CPS1: variants seen among roughly 807,000 people sequenced by gnomAD.
The protein encoded by CPS1 is carbamoyl-phosphate synthase 1.
A neutral mutation model predicts 174.6 loss-of-function variants in CPS1; 109 were observed. The observed-to-expected ratio is 0.62, with a 90% CI of 0.53 to 0.73. The LOEUF (loss-of-function observed/expected upper bound fraction) is 0.73, where lower values mean the gene tolerates loss of function less well. CPS1 is among the 30% of genes least tolerant of loss of function. CPS1 has a pLI of 0.00. For synonymous variants in CPS1, 637 were observed against 632.0 expected, an observed-to-expected ratio of 1.01 and a Z score of -0.12; for missense variants, 1,689 against 1,821.9, an observed-to-expected ratio of 0.93 and a Z score of 1.33.
In CPS1 at chr2:210,556,729, T is replaced by C; in HGVS notation, c.-5T>C. On this transcript the variant is annotated 5_prime_UTR_variant, in exon 1 of 38. Coordinates refer to ENST00000233072, the MANE Select transcript of CPS1 (RefSeq NM_001875.5). Reference sequence around the variant, plus strand: ...TTCATTTAATTTTAGCCACAAATCATCAAAATGACGAGGATTTTGACAGCT... The same window carrying C: ...TTCATTTAATTTTAGCCACAAATCACCAAAATGACGAGGATTTTGACAGCT... 2 of 1,505,446 alleles carry C rather than the reference T, an allele frequency of 1.3e-6. No individual in the cohort carries two copies. The highest frequency in any genetic ancestry group is 1.8e-6 in the Non-Finnish European group (2 of 1,136,142). The allele number at this position is 1,505,446 out of a possible 1,614,324, so 93.3% of individuals were successfully genotyped here. A position where few individuals can be genotyped will look rare whatever the true frequency, so the allele number is the denominator to read the frequency against.
At chr2:210,614,633 C>T (rs1442904487) in intron 20 of CPS1, among the ~76,000 whole-genome samples, 1 of 151,946 alleles carries the variant, frequency 6.6e-6, no homozygotes, top group African/African-American at 2.4e-5. Flanking sequence ...TTTTGATTTG[C>T]ATTTCTCTAA....
At chr2:210,485,171 G>A (rs1200558722) in intron 1 of CPS1, among the ~76,000 whole-genome samples, 1 of 151,376 alleles carries the variant, frequency 6.6e-6, no homozygotes, top group South Asian at 2.1e-4. Flanking sequence ...GCGTGAGCTT[G>A]CAGTGAGCCA....
Position 210,637,727 on chromosome 2 carries a change from A to T in CPS1, c.2713A>T (p.Lys905Ter), listed in dbSNP as rs767550452. 2 of 1,613,986 alleles carry T rather than the reference A, an allele frequency of 1.2e-6. No individual in the cohort carries two copies. Among genetic ancestry groups the T allele is most frequent in the Non-Finnish European group, 1.7e-6 (2 of 1,179,882 alleles). Residue 905 changes from lysine (K) to a stop codon, truncating the protein, a stop_gained, in exon 22 of 38, where the codon AAA (lysine) becomes TAA (stop). Transcript: ENST00000233072. LOFTEE classifies it high-confidence loss of function. ...NSESMTEETL[K>*]RAKEIGFSDK... is the part of the protein sequence containing the mutation. ...TGAGTCCATGACAGAAGAAACCCTG[A>T]AAAGGGCAAAGGAGATTGGGTTCTC...
At chr2:210,509,373 A>C (rs1695387099) in intron 1 of CPS1, among the ~76,000 whole-genome samples, 1 of 152,236 alleles carries the variant, frequency 6.6e-6, no homozygotes, top group Non-Finnish European at 1.5e-5. Flanking sequence ...TATTGATGGG[A>C]CATATCTCAA....
At chr2:210,480,087 G>A (rs377153980) in intron 1 of CPS1, among the ~76,000 whole-genome samples, 97 of 152,236 alleles carry the variant, frequency 6.4e-4, no homozygotes, top group African/African-American at 2.3e-3. Flanking sequence ...TCTTAGTTCA[G>A]ATTAGATTTG....
chr2:210,590,743 G>A (rs1038912088), intron 8 of CPS1, 57 bp from the exon 9 acceptor site: 4 of 1,375,578 alleles, frequency 2.9e-6, no homozygotes, highest in Non-Finnish European at 4.1e-6. Context: ...TGTTCATTCA[G>A]AAGCAACATT....
rs182504993 is a variant in CPS1, at chr2:210,550,666, A to G, written c.4-6053A>G. Among the ~76,000 whole-genome samples the G allele has an allele frequency of 5.3e-5, 8 of 151,926 alleles. No homozygotes were observed. In the East Asian group the frequency reaches 1.6e-3, roughly 30 times the overall value. Reference sequence around the variant, plus strand: ...TAGAACAGATTTATTTAAATACCCTATTTTCACTTACTGGCATAACAGCAA... The same window carrying G: ...TAGAACAGATTTATTTAAATACCCTGTTTTCACTTACTGGCATAACAGCAA... On this transcript the variant is annotated intron_variant, in intron 1 of 38. Coordinates refer to the CPS1 transcript ENST00000430249.
At chr2:210,611,766 A>T (rs1699129547) in intron 19 of CPS1, among the ~76,000 whole-genome samples, 2 of 151,848 alleles carry the variant, frequency 1.3e-5, no homozygotes, top group South Asian at 4.1e-4. Flanking sequence ...CATGCGCATA[A>T]AGCAAGATCT....
intron 20 of CPS1, among the ~76,000 whole-genome samples, chr2:210,614,276 T>A (rs1054412077): frequency 7.5e-5 from 11 of 146,404 alleles, no homozygotes; most frequent in African/African-American, 2.9e-4. Context: ...AATCATGGAT[T>A]TTTTTTTTTA....
At chr2:210,651,623 G>T (rs755146224) in intron 28 of CPS1, among the ~76,000 whole-genome samples, 14 of 152,138 alleles carry the variant, frequency 9.2e-5, no homozygotes, top group Non-Finnish European at 1.8e-4. Context: ...CTCCTTATAG[G>T]ATCTCAGTAC....
chr2:210,502,393 A>T (rs963273915), intron 1 of CPS1, among the ~76,000 whole-genome samples: 1 of 146,792 alleles, frequency 6.8e-6, no homozygotes, highest in African/African-American at 2.5e-5. Context: ...TTTTATATAT[A>T]TGTATATTTT....
intron 30 of CPS1, among the ~76,000 whole-genome samples, chr2:210,656,969 T>G (rs1161407654): frequency 6.6e-6 from 1 of 152,058 alleles, no homozygotes; most frequent in Non-Finnish European, 1.5e-5. Context: ...AGAATTTGCG[T>G]TTTTCACAAG....
intron 1 of CPS1, among the ~76,000 whole-genome samples, chr2:210,503,863 C>T (rs763504626): frequency 1.3e-4 from 19 of 151,736 alleles, no homozygotes; most frequent in Non-Finnish European, 8.9e-5. Context: ...ATTCGGGTGA[C>T]GGCCAAAGCT....
At position 210,650,415 on chromosome 2, in the gene CPS1, G is replaced by T. The variant is rs1700523651; in HGVS notation, c.3457G>T (p.Glu1153Ter). The T allele has an allele frequency of 6.2e-7, 1 of 1,613,330 alleles. No individual in the cohort carries two copies. The highest frequency in any genetic ancestry group is 1.3e-5 in the African/African-American group (1 of 75,008). ...TGAGGATGAGATGAAAAAATTCCTA[G>T]AAGAGGCGACTAGAGTTTCTCAGGT... ...FSEDEMKKFL[E>*]EATRVSQEHP... The change falls in exon 28 of 38, where the codon GAA (glutamate) becomes TAA (stop). Residue 1153 changes from glutamate (E) to a stop codon, truncating the protein, a stop_gained. Transcript: ENST00000233072. LOFTEE classifies it high-confidence loss of function.
chr2:210,565,767 A>G (rs942604434), intron 1 of CPS1, among the ~76,000 whole-genome samples: 12 of 152,118 alleles, frequency 7.9e-5, no homozygotes, highest in African/African-American at 2.9e-4. Context: ...GTGAATGTTC[A>G]CATGTGGACT....
rs1701364616 is a variant in CPS1 at position 210,673,015 on chromosome 2, C to T, written c.4102-1887C>T. The T allele has an allele frequency of 3.3e-5, 5 of 152,084 alleles. No individual in the cohort carries two copies. The South Asian group carries it at 1.0e-3, about 32-fold the overall frequency. 9.4% of individuals were successfully genotyped at this position (152,084 alleles called of 1,614,324 possible). A position where few individuals can be genotyped will look rare whatever the true frequency, so the allele number is the denominator to read the frequency against. On this transcript the variant is annotated intron_variant, in intron 34 of 37. Transcript: ENST00000233072. ...TGGGCTAAACATTATCAAAATTGTGCAAGGATCACATGTGTTTTATTGTCA... is the reference window on the plus strand; with the variant it reads ...TGGGCTAAACATTATCAAAATTGTGTAAGGATCACATGTGTTTTATTGTCA...
At chr2:210,512,448 A>G (rs1400033503) in intron 1 of CPS1, among the ~76,000 whole-genome samples, 1 of 151,958 alleles carries the variant, frequency 6.6e-6, no homozygotes, top group Non-Finnish European at 1.5e-5. Flanking sequence ...AAGTAAGAAC[A>G]TGCAGTATTT....
intron 24 of CPS1, 103 bp downstream of exon 24, chr2:210,640,162 G>C (rs973501811): frequency 1.2e-6 from 1 of 816,112 alleles, no homozygotes; most frequent in Non-Finnish European, 2.0e-6. Flanking sequence ...AATAAATGCT[G>C]TAATATATGT....
intron 1 of CPS1, among the ~76,000 whole-genome samples, chr2:210,489,039 C>T (rs537673337): frequency 6.6e-6 from 1 of 152,112 alleles, no homozygotes; most frequent in African/African-American, 2.4e-5. Flanking sequence ...AAAATTTATT[C>T]ATTGGAGAGC....
Sources: gnomAD v4.1 joint callset for allele counts (sites outside exome capture counted in the v4.1 genomes callset) on GRCh38, gnomAD v4.1.1 for gene constraint, MANE v1.5 for transcripts, NCBI Gene and HGNC (gene_info 2026-07-23, HGNC 2026-07-21) for gene names.